CYP4F11: variants seen among roughly 807,000 people sequenced by gnomAD.
CYP4F11 encodes cytochrome P450 family 4 subfamily F member 11.
Under a neutral mutation model 62.2 loss-of-function variants are expected in CYP4F11, and 79 were observed. The ratio of observed to expected loss-of-function variants is 1.27; its 90% CI spans 1.06 to 1.53. The LOEUF is 1.53. Ranked by LOEUF, CYP4F11 falls within the 40% of genes most tolerant of loss-of-function variation. CYP4F11 has a pLI of 0.00. For missense variants in CYP4F11, 777 were observed against 680.5 expected, an observed-to-expected ratio of 1.14 and a Z score of -1.58; for synonymous variants, 290 against 263.7, an observed-to-expected ratio of 1.10 and a Z score of -0.97.
intron 1 of CYP4F11, among the ~76,000 whole-genome samples, chr19:15,931,494 A>C (rs1246979620): frequency 6.6e-6 from 1 of 151,688 alleles, no homozygotes; most frequent in Admixed American, 6.6e-5. Context: ...GTGGGAGGAC[A>C]GGGAGGTGAG....
rs991289837 is a variant in CYP4F11 at position 15,934,042 on chromosome 19, G to A, written c.198+169C>T. ...TGAGTGGGCAGAGGAATGAGTGAGC[G>A]GGGAGAGGAATGAGTGAGTGGGCAG... On this transcript the variant is annotated intron_variant, in intron 1 of 11. Transcript: ENST00000402119. 2.9e-4 allele frequency among the ~76,000 whole-genome samples: 41 copies of A among 139,436 alleles called. 2 individuals carry two copies. The highest frequency in any genetic ancestry group is 3.8e-3 in the Middle Eastern group (1 of 266). 91.5% of individuals were successfully genotyped at this position (139,436 alleles called of 152,430 possible). A position where few individuals can be genotyped will look rare whatever the true frequency, so the allele number is the denominator to read the frequency against.
chr19:15,934,389 G>C lies in CYP4F11; in HGVS notation c.20C>G (p.Ser7Cys), dbSNP rs2089760908. 6.2e-7 allele frequency: 1 copy of C among 1,613,130 alleles called. No homozygotes were observed. The highest frequency in any genetic ancestry group is 1.7e-5 in the Admixed American group (1 of 59,916). Residue 7 changes from serine (S) to cysteine (C), a missense_variant, in exon 1 of 12, where the codon TCC becomes TGC. Coordinates refer to ENST00000402119, the MANE Select transcript of CYP4F11 (RefSeq NM_021187.4). MPQLSL[S>C]WLGLGPVAAS... ...TGCCACGGGCCCGAGGCCCAGCCAG[G>C]ACAGGCTCAGCTGCGGCATCCTGCA...
At chr19:15,928,478 T>C (rs1355552890) in intron 2 of CYP4F11, among the ~76,000 whole-genome samples, 1 of 152,174 alleles carries the variant, frequency 6.6e-6, no homozygotes, top group Non-Finnish European at 1.5e-5. Context: ...AGGAGACAGA[T>C]TCCCAGTGAT....
rs1471703388 is a variant in CYP4F11, at chr19:15,928,590, G to C, written c.343+867C>G. Among the ~76,000 whole-genome samples the C allele has an allele frequency of 5.9e-5, 9 of 152,334 alleles. No individual in the cohort carries two copies. In the East Asian group the frequency reaches 1.7e-3, roughly 29 times the overall value. On this transcript the variant is annotated intron_variant, in intron 2 of 11. Transcript: ENST00000402119. ...ATTTGCTTAGACCACATGAGTCTGA[G>C]TTTCCATCACTCGCAACTGAAAGAG... is the stretch of plus-strand genomic sequence containing the variant.
rs1180235697 is a variant in CYP4F11, at chr19:15,923,795, A to C, written c.918+17T>G. ...TCTCCACTCTATTACTTGAATTCAC[A>C]TCCCAGAGAAGCCTACCTTGCTCAG... On this transcript the variant is annotated intron_variant, in intron 6 of 11. Coordinates refer to ENST00000402119, the MANE Select transcript of CYP4F11 (RefSeq NM_021187.4). 3.2e-5 allele frequency: 52 copies of C among 1,603,450 alleles called. No homozygotes were observed. The highest frequency in any genetic ancestry group is 4.3e-5 in the Non-Finnish European group (51 of 1,172,582).
At chr19:15,930,417 C>A (rs967708481) in intron 1 of CYP4F11, among the ~76,000 whole-genome samples, 4 of 152,036 alleles carry the variant, frequency 2.6e-5, no homozygotes, top group Non-Finnish European at 5.9e-5. Flanking sequence ...ACAGCGAAAT[C>A]CCCGTGTCTA....
At chr19:15,918,545 G>A (rs143857798) in intron 8 of CYP4F11, among the ~76,000 whole-genome samples, 1 of 152,128 alleles carries the variant, frequency 6.6e-6, no homozygotes, top group Non-Finnish European at 1.5e-5. Context: ...TATTAAAATT[G>A]TGGAGTAAAA....
In CYP4F11 at chr19:15,914,553, A is replaced by G. The variant is rs1568480575; in HGVS notation, c.1314+49T>C. ...TGGTCAAAACCCTGTCACCTCCTCT[A>G]GGAACCTTGGAATGGACTCCAAAAA... On this transcript the variant is annotated intron_variant, in intron 10 of 11. Coordinates refer to ENST00000402119, the MANE Select transcript of CYP4F11 (RefSeq NM_021187.4). The G allele has an allele frequency of 1.9e-6, 3 of 1,608,140 alleles. No individual in the cohort carries two copies. The African/African-American group carries it at 4.0e-5, about 22-fold the overall frequency.
chr19:15,917,355 A>G (rs2089591093), intron 8 of CYP4F11, among the ~76,000 whole-genome samples: 1 of 152,152 alleles, frequency 6.6e-6, no homozygotes, highest in Admixed American at 6.5e-5. Context: ...GCACTCATCC[A>G]TGTAACCAAA....
At chr19:15,914,255 A>G in intron 11 of CYP4F11, 50 bp downstream of exon 11, 13 of 1,570,820 alleles carry the variant, frequency 8.3e-6, no homozygotes, top group Non-Finnish European at 1.0e-5. Flanking sequence ...CCCTTTTTGG[A>G]CCCCTGCACC....
chr19:15,912,725 GTGTGTGTGTATATGTATATA>G lies in CYP4F11; in HGVS notation c.*987_*1006del, dbSNP rs2089543826. 1 of 81,368 alleles carries G rather than the reference GTGTGTGTGTATATGTATATA, an allele frequency of 1.2e-5. No homozygotes were observed. Among genetic ancestry groups the G allele is most frequent in the South Asian group, 4.5e-4 (1 of 2,198 alleles). 5.0% of individuals were successfully genotyped at this position (81,368 alleles called of 1,614,324 possible). On this transcript the variant is annotated 3_prime_UTR_variant, in exon 12 of 12. Coordinates refer to ENST00000402119, the MANE Select transcript of CYP4F11 (RefSeq NM_021187.4). ...TGTGTGTGTGTGTGTGTGTGTGTGT[GTGTGTGTGTATATGTATATA>G]TGTGTGTGTGTGTGTGTGTGTGTGT... is the stretch of plus-strand genomic sequence containing the variant.
At chr19:15,929,801 T>A (rs1011134663) in intron 1 of CYP4F11, among the ~76,000 whole-genome samples, 200 bp from the exon 2 acceptor site, 24 of 152,136 alleles carry the variant, frequency 1.6e-4, no homozygotes, top group African/African-American at 5.6e-4. Context: ...ATGATCCACC[T>A]CCCCAGTGGG....
chr19:15,927,353 C>T lies in CYP4F11; in HGVS notation c.398-14G>A, dbSNP rs777321247. 1.6e-5 allele frequency: 26 copies of T among 1,612,904 alleles called. No homozygotes were observed. Among genetic ancestry groups the T allele is most frequent in the African/African-American group, 9.4e-5 (7 of 74,102 alleles). On this transcript the variant is annotated splice_polypyrimidine_tract_variant and intron_variant, in intron 3 of 11. Transcript: ENST00000402119. ...GGAGCCCATCCCCTGGCAGGGCAAC[C>T]AAGGACAGTGGTCAAGGGCAGCACC... is the stretch of plus-strand genomic sequence containing the variant.
chr19:15,923,676 A>T, intron 6 of CYP4F11, 136 bp downstream of exon 6: 2 of 1,251,244 alleles, frequency 1.6e-6, no homozygotes, highest in South Asian at 3.0e-5. Flanking sequence ...TCATCTCTCA[A>T]ACCTATCTCT....
intron 4 of CYP4F11, among the ~76,000 whole-genome samples, chr19:15,926,023 G>A (rs2089666379): frequency 6.6e-6 from 1 of 151,902 alleles, no homozygotes; most frequent in Non-Finnish European, 1.5e-5. Flanking sequence ...AATTAGACGG[G>A]CATGGTGATG....
intron 4 of CYP4F11, among the ~76,000 whole-genome samples, chr19:15,926,673 G>A (rs2089670772): frequency 6.6e-6 from 1 of 152,190 alleles, no homozygotes. Context: ...GGGAGGCAGA[G>A]AAACACATGG....
chr19:15,932,091 AAT>A (rs1262453581), intron 1 of CYP4F11, among the ~76,000 whole-genome samples: 13 of 636 alleles, frequency 0.02, 1 homozygote, highest in Non-Finnish European at 0.033. Flanking sequence ...TGAGGAGAGG[AAT>A]GAGTGAGTGA....
At chr19:15,921,866 G>T (rs1321650808) in intron 8 of CYP4F11, among the ~76,000 whole-genome samples, 171 bp downstream of exon 8, 1 of 152,140 alleles carries the variant, frequency 6.6e-6, no homozygotes, top group African/African-American at 2.4e-5. Context: ...CCAAAAGCCT[G>T]CAAACCATCC....
intron 10 of CYP4F11, 29 bp from the exon 11 acceptor site, chr19:15,914,416 G>C (rs1220374650): frequency 1.2e-6 from 2 of 1,607,304 alleles, no homozygotes; most frequent in Non-Finnish European, 1.7e-6. Flanking sequence ...AGGCTTGCTG[G>C]GTGGGGTCAC....
Sources: gnomAD v4.1 joint callset for allele counts (sites outside exome capture counted in the v4.1 genomes callset) on GRCh38, gnomAD v4.1.1 for gene constraint, MANE v1.5 for transcripts, NCBI Gene and HGNC (gene_info 2026-07-23, HGNC 2026-07-21) for gene names.